Variants in TKT observed in about 807,000 individuals in gnomAD.
TKT encodes transketolase, also known as epididymis luminal protein 107.
In TKT, 47 loss-of-function variants were observed where a neutral mutation model predicts 63.9. The ratio of observed to expected loss-of-function variants is 0.74; its 90% CI spans 0.58 to 0.94. The LOEUF (loss-of-function observed/expected upper bound fraction) is 0.94. TKT is among the 40% of genes least tolerant of loss of function. The pLI is 0.00. For missense variants in TKT, 721 were observed against 846.2 expected, an observed-to-expected ratio of 0.85 and a Z score of 1.84; for synonymous variants, 338 against 334.1, an observed-to-expected ratio of 1.01 and a Z score of -0.13.
chr3:53,228,257 G>A lies in TKT; in HGVS notation c.1479+19C>T, dbSNP rs1052790458. ...GTCCAGGCAGCTCTGTGGGCTCCTG[G>A]GGCATGCGAGGCACTGACCTTGGCT... On this transcript the variant is annotated intron_variant, in intron 11 of 13. Transcript: ENST00000462138. 13 of 1,614,126 alleles carry A rather than the reference G, an allele frequency of 8.1e-6. No homozygotes were observed. Among genetic ancestry groups the A allele is most frequent in the Non-Finnish European group, 1.1e-5 (13 of 1,179,974 alleles).
At chr3:53,227,891 T>A (rs1482279446) in intron 12 of TKT, 165 bp downstream of exon 12, 3 of 626,426 alleles carry the variant, frequency 4.8e-6, no homozygotes, top group South Asian at 2.0e-5. Context: ...ACAGAACAAG[T>A]GCTCAAAGGA....
chr3:53,226,998 T>A, intron 12 of TKT, 120 bp from the exon 13 acceptor site: 1 of 1,296,602 alleles, frequency 7.7e-7, no homozygotes, highest in Non-Finnish European at 1.0e-6. Flanking sequence ...CCTGCGGGCC[T>A]GTCCCTGTCC....
intron 1 of TKT, among the ~76,000 whole-genome samples, chr3:53,249,881 CAAG>C (rs1705674343): frequency 6.6e-6 from 1 of 152,116 alleles, no homozygotes; most frequent in Non-Finnish European, 1.5e-5. Flanking sequence ...TGGTCTGTGG[CAAG>C]AAGGGAGTTC....
At chr3:53,231,078 G>A (rs1704734326) in intron 7 of TKT, among the ~76,000 whole-genome samples, 1 of 152,230 alleles carries the variant, frequency 6.6e-6, no homozygotes, top group Non-Finnish European at 1.5e-5. Flanking sequence ...AGCGATGCAA[G>A]AACTTGGGAG....
At chr3:53,231,318 G>A (rs1704744716) in intron 7 of TKT, 39 bp downstream of exon 7, 1 of 1,604,536 alleles carries the variant, frequency 6.2e-7, no homozygotes, top group African/African-American at 1.3e-5. Flanking sequence ...TGGGAAACCT[G>A]AGAACTATGG....
At chr3:53,250,755 G>A (rs1418372828) in intron 1 of TKT, among the ~76,000 whole-genome samples, 2 of 152,128 alleles carry the variant, frequency 1.3e-5, no homozygotes, top group East Asian at 1.9e-4. Flanking sequence ...CTGGGCAACT[G>A]AGAACCTGAG....
rs190680634 is a variant in TKT at position 53,252,635 on chromosome 3, C to T, written c.107+3201G>A. ...CCACAGTATGTTTCCGGAGGGGTAA[C>T]GGCGGTGAGGAAATCAGACTTTGCC... On this transcript the variant is annotated intron_variant, in intron 1 of 13. Transcript: ENST00000462138. Among the ~76,000 whole-genome samples the T allele has an allele frequency of 6.6e-3, 1,005 of 152,202 alleles. 59 individuals are homozygous for T. The South Asian group carries it at 0.13, about 20-fold the overall frequency.
At chr3:53,234,055 T>G (rs1704895718) in intron 5 of TKT, 1 of 152,118 alleles carries the variant, frequency 6.6e-6, no homozygotes, top group African/African-American at 2.4e-5. Flanking sequence ...GTCCTGGGGG[T>G]GCTGCTGGGG....
chr3:53,244,389 T>C lies in TKT; in HGVS notation c.108-2147A>G, dbSNP rs574674375. ...TCAACCCGGGGCTCAGCTTCTTCACTTGGGAGAGTGTCTGGGAGACACAGT... is the reference window on the plus strand; with the variant it reads ...TCAACCCGGGGCTCAGCTTCTTCACCTGGGAGAGTGTCTGGGAGACACAGT... On this transcript the variant is annotated intron_variant, in intron 1 of 13. Coordinates refer to ENST00000462138, the MANE Select transcript of TKT (RefSeq NM_001064.4). Among the ~76,000 whole-genome samples the C allele has an allele frequency of 1.1e-4, 16 of 152,238 alleles. 1 individual carries two copies. The South Asian group carries it at 3.3e-3, about 32-fold the overall frequency.
intron 1 of TKT, among the ~76,000 whole-genome samples, chr3:53,245,188 C>G (rs1705452219): frequency 6.6e-6 from 1 of 151,756 alleles, no homozygotes; most frequent in Non-Finnish European, 1.5e-5. Context: ...CGCCTGTAAT[C>G]CCAGCTACTC....
chr3:53,255,740 T>C, intron 1 of TKT, 96 bp downstream of exon 1: 1 of 818,968 alleles, frequency 1.2e-6, no homozygotes. Flanking sequence ...CGTCTAGGCA[T>C]CTCGCAGCGC....
intron 4 of TKT, 32 bp downstream of exon 4, chr3:53,240,219 C>G (rs1553679471): frequency 1.9e-6 from 3 of 1,596,816 alleles, no homozygotes; most frequent in Non-Finnish European, 1.7e-6. Context: ...CCCAAAACTA[C>G]CCAGGTTGGG....
At chr3:53,230,701 G>C in intron 7 of TKT, 80 bp from the exon 8 acceptor site, 2 of 1,548,808 alleles carry the variant, frequency 1.3e-6, no homozygotes, top group Admixed American at 3.8e-5. Flanking sequence ...TGCTTTCAGA[G>C]AAGGATTAAA....
intron 4 of TKT, among the ~76,000 whole-genome samples, chr3:53,235,806 C>T (rs1705000835): frequency 6.6e-6 from 1 of 152,238 alleles, no homozygotes; most frequent in Non-Finnish European, 1.5e-5. Context: ...AAGACTGAAG[C>T]TGCACCTGGC....
At chr3:53,226,629 C>T in intron 13 of TKT, 127 bp downstream of exon 13, 1 of 1,410,906 alleles carries the variant, frequency 7.1e-7, no homozygotes, top group Non-Finnish European at 9.8e-7. Context: ...CCCAGCTGCT[C>T]TGAGGGACAG....
intron 7 of TKT, among the ~76,000 whole-genome samples, chr3:53,231,150 T>G (rs1337580859): frequency 6.6e-6 from 1 of 152,182 alleles, no homozygotes; most frequent in African/African-American, 2.4e-5. Flanking sequence ...AGTGGGCAAT[T>G]CCCTTGCCCG....
intron 1 of TKT, among the ~76,000 whole-genome samples, chr3:53,248,989 C>T (rs1034649881): frequency 3.9e-5 from 6 of 152,028 alleles, no homozygotes; most frequent in Admixed American, 3.3e-4. Flanking sequence ...TTATTTGAGA[C>T]AAGTTCTCAC....
chr3:53,236,245 C>T (rs181973109), intron 4 of TKT, among the ~76,000 whole-genome samples: 1 of 152,210 alleles, frequency 6.6e-6, no homozygotes, highest in Non-Finnish European at 1.5e-5. Context: ...GCCCTCAACC[C>T]GGCTGCATGC....
chr3:53,255,614 C>T (rs1317234350), intron 1 of TKT, among the ~76,000 whole-genome samples: 1 of 152,128 alleles, frequency 6.6e-6, no homozygotes, highest in Non-Finnish European at 1.5e-5. Context: ...GACCAGAGGC[C>T]CACGCGGCCG....
Sources: allele counts gnomAD v4.1 joint callset (sites outside exome capture counted in the v4.1 genomes callset), GRCh38; gene constraint gnomAD v4.1.1; transcripts MANE v1.5; gene names NCBI Gene and HGNC (gene_info 2026-07-23, HGNC 2026-07-21).